SLIT1: variants seen among roughly 807,000 people sequenced by gnomAD.
SLIT1 encodes the protein slit homolog 1 protein.
Under a neutral mutation model 186.1 loss-of-function variants are expected in SLIT1, and 66 were observed. That is an observed-to-expected ratio of 0.35 (90% confidence interval 0.29 to 0.44). The LOEUF (loss-of-function observed/expected upper bound fraction) is 0.44. Ranked by LOEUF, SLIT1 falls within the 20% of genes least tolerant of loss-of-function variation. The probability of loss-of-function intolerance (pLI) is 1.00; values close to 1 mark genes in which losing one functional copy is unlikely to be tolerated. For synonymous variants in SLIT1, 761 were observed against 833.8 expected (o/e 0.91, Z 1.50); for missense variants, 1,638 against 2,037.4 (o/e 0.80, Z 3.77).
intron 4 of SLIT1, chr10:97,154,929 G>A (rs1849929441): frequency 1.3e-5 from 2 of 152,216 alleles, no homozygotes; most frequent in African/African-American, 4.8e-5. Flanking sequence ...AGGAGTCAGA[G>A]GGCTTCATCC....
chr10:97,168,775 A>G (rs1850151517), intron 1 of SLIT1, among the ~76,000 whole-genome samples: 1 of 152,242 alleles, frequency 6.6e-6, no homozygotes, highest in African/African-American at 2.4e-5. Flanking sequence ...TGAATTTTAC[A>G]TATCATTCAT....
chr10:97,119,314 G>C (rs2134685672), intron 4 of SLIT1, among the ~76,000 whole-genome samples: 1 of 152,242 alleles, frequency 6.6e-6, no homozygotes, highest in South Asian at 2.1e-4. Context: ...GTGGGAAGTG[G>C]GTTTATTTCT....
Position 97,037,713 on chromosome 10 carries a change from T to C in SLIT1, c.2351A>G (p.Lys784Arg). Residue 784 changes from lysine to arginine, a missense_variant, in exon 22 of 37, where the codon AAG (lysine) becomes AGG (arginine). Physicochemically the swap from Lys to Arg is conservative, Grantham distance 26. Coordinates refer to ENST00000266058, the MANE Select transcript of SLIT1 (RefSeq NM_003061.3). ...TLVPGQLSTF[K>R]YLQLVDLSNN... is the part of the protein sequence containing the mutation. ...GGATACTTACACGAGCTGCAGGTACTTGAAGGTAGACAGCTGTCCCGGAAC... is the reference window on the plus strand; with the variant it reads ...GGATACTTACACGAGCTGCAGGTACCTGAAGGTAGACAGCTGTCCCGGAAC... 6.2e-7 allele frequency: 1 copy of C among 1,609,550 alleles called. No individual in the cohort carries two copies. Among genetic ancestry groups the C allele is most frequent in the African/African-American group, 1.3e-5 (1 of 74,980 alleles).
In SLIT1 at chr10:97,040,076, C is replaced by T. The variant is rs748988282; in HGVS notation, c.2209G>A (p.Glu737Lys). 5 of 1,604,724 alleles carry T rather than the reference C, an allele frequency of 3.1e-6. No homozygotes were observed. The African/African-American group carries it at 6.7e-5, about 22-fold the overall frequency. The change falls in exon 21 of 37, where the codon GAG becomes AAG. Residue 737 changes from glutamate to lysine, a missense_variant. By Grantham distance (56) the Glu-to-Lys change is moderately conservative (BLOSUM62 1). Transcript: ENST00000266058. ...GCLPRPQCPQ[E>K]CACLDTVVRC... The stretch of plus-strand genomic sequence containing the variant: ...ACCACGGTGTCCAGGCAGGCGCACT[C>T]CTGTGGGCACTGTGGGCGGGGCAGG...
intron 3 of SLIT1, among the ~76,000 whole-genome samples, chr10:97,160,791 G>A (rs1037407784): frequency 6.6e-6 from 1 of 152,204 alleles, no homozygotes; most frequent in African/African-American, 2.4e-5. Flanking sequence ...CATGATCTCG[G>A]CTCACCGCAA....
At chr10:97,167,807 T>A (rs533865997) in intron 1 of SLIT1, among the ~76,000 whole-genome samples, 2 of 152,154 alleles carry the variant, frequency 1.3e-5, no homozygotes, top group Non-Finnish European at 2.9e-5. Context: ...ATAAGTCTCA[T>A]GAGATCTGAT....
chr10:97,152,091 C>G (rs1564688909), intron 4 of SLIT1, among the ~76,000 whole-genome samples: 1 of 152,146 alleles, frequency 6.6e-6, no homozygotes, highest in African/African-American at 2.4e-5. Context: ...CATGTTTGCT[C>G]TCCCTGGCCT....
At chr10:97,109,321 G>A (rs529740953) in intron 4 of SLIT1, among the ~76,000 whole-genome samples, 54 of 152,228 alleles carry the variant, frequency 3.5e-4, no homozygotes, top group Non-Finnish European at 5.7e-4. Context: ...TGTTTTTAGC[G>A]ATAATGATGC....
intron 30 of SLIT1, 47 bp from the exon 31 acceptor site, chr10:97,011,177 T>A: frequency 6.8e-7 from 1 of 1,463,266 alleles, no homozygotes; most frequent in Non-Finnish European, 9.6e-7. Context: ...CCACACAGAG[T>A]CTGGGAGGCC....
At position 97,021,349 on chromosome 10, in the gene SLIT1, T is replaced by C; in HGVS notation, c.2647A>G (p.Thr883Ala). The change falls in exon 26 of 37, where the codon ACT (threonine) becomes GCT (alanine). Residue 883 changes from threonine (T) to alanine (A), a missense_variant. Coordinates refer to ENST00000266058, the MANE Select transcript of SLIT1 (RefSeq NM_003061.3). This position sits in a 1 kb window ranked among gnomAD's most constrained non-coding sequence, Gnocchi z 4.5. ...HLRWLSSWVKTGYKEPGIARC... is the reference protein window; with the variant it reads ...HLRWLSSWVKAGYKEPGIARC... ...GCAATGCCCGGTTCCTTGTAGCCAG[T>C]CTTCACCCAGCTGGACAGCCAGCGG... 1 of 1,614,086 alleles carries C rather than the reference T, an allele frequency of 6.2e-7. No homozygotes were observed.
intron 3 of SLIT1, among the ~76,000 whole-genome samples, chr10:97,162,527 C>A (rs991044966): frequency 6.6e-6 from 1 of 152,170 alleles, no homozygotes; most frequent in South Asian, 2.1e-4. Flanking sequence ...GCGGGGGAAT[C>A]GCTTGAACCC....
chr10:97,150,155 G>A (rs1182193607), intron 4 of SLIT1, among the ~76,000 whole-genome samples: 1 of 152,120 alleles, frequency 6.6e-6, no homozygotes, highest in East Asian at 1.9e-4. Context: ...GGCTGGGGAG[G>A]GGCGGCTGGG....
At chr10:97,084,359 C>A (rs918762565) in intron 4 of SLIT1, among the ~76,000 whole-genome samples, 1 of 152,210 alleles carries the variant, frequency 6.6e-6, no homozygotes, top group Non-Finnish European at 1.5e-5. Context: ...CCCACCTGGG[C>A]TGCAGAGCCA....
chr10:97,104,399 A>G (rs1175418356), intron 4 of SLIT1, among the ~76,000 whole-genome samples: 1 of 152,154 alleles, frequency 6.6e-6, no homozygotes, highest in East Asian at 1.9e-4. Context: ...GGTTCCAAAC[A>G]GAAGAGTGAC....
At position 97,157,601 on chromosome 10, in the gene SLIT1, C is replaced by T. The variant is rs55855950; in HGVS notation, c.413+217G>A. ...GCAGCTCACAAATCTGGATGAACTGCGGGTTCTTCCAAGTGCTTGCCATGG... is the reference window on the plus strand; with the variant it reads ...GCAGCTCACAAATCTGGATGAACTGTGGGTTCTTCCAAGTGCTTGCCATGG... On this transcript the variant is annotated intron_variant, in intron 4 of 36. Coordinates refer to ENST00000266058, the MANE Select transcript of SLIT1 (RefSeq NM_003061.3). The T allele has an allele frequency of 7.9e-3, 4,482 of 563,844 alleles. 40 individuals carry two copies. Among genetic ancestry groups the T allele is most frequent in the Non-Finnish European group, 8.0e-3 (2,544 of 317,374 alleles). The allele number at this position is 563,844 out of a possible 1,614,324, so 34.9% of individuals were successfully genotyped here.
At chr10:97,169,531 C>G (rs189162004) in intron 1 of SLIT1, among the ~76,000 whole-genome samples, 132 of 152,360 alleles carry the variant, frequency 8.7e-4, no homozygotes, top group Non-Finnish European at 2.4e-4. Flanking sequence ...TGCCACGGAG[C>G]CCCCTCCCCC....
In SLIT1 at chr10:97,037,724, C is replaced by T. The variant is rs777785601; in HGVS notation, c.2340G>A (p.Leu780=). The T allele has an allele frequency of 4.7e-5, 76 of 1,609,964 alleles. No individual in the cohort carries two copies. Among genetic ancestry groups the T allele is most frequent in the Non-Finnish European group, 5.9e-5 (70 of 1,176,800 alleles). ...GNQFTLVPGQ[L]STFKYLQLVD... Reference sequence around the variant, plus strand: ...CGAGCTGCAGGTACTTGAAGGTAGACAGCTGTCCCGGAACCAGCGTGAACT... The same window carrying T: ...CGAGCTGCAGGTACTTGAAGGTAGATAGCTGTCCCGGAACCAGCGTGAACT... The change falls in exon 22 of 37, where the codon CTG becomes CTA. Residue 780 remains leucine, a synonymous_variant. Coordinates refer to ENST00000266058, the MANE Select transcript of SLIT1 (RefSeq NM_003061.3).
chr10:97,018,892 G>T, intron 27 of SLIT1, 91 bp downstream of exon 27: 1 of 744,960 alleles, frequency 1.3e-6, no homozygotes. Context: ...TCAAGCATCT[G>T]CTCTGAGTCA....
At chr10:97,107,798 C>T (rs2134676608) in intron 4 of SLIT1, among the ~76,000 whole-genome samples, 1 of 152,164 alleles carries the variant, frequency 6.6e-6, no homozygotes, top group South Asian at 2.1e-4. Context: ...ATGGGGCCAG[C>T]TTCCTGGGGA....
Sources: gnomAD v4.1 joint callset for allele counts (sites outside exome capture counted in the v4.1 genomes callset) on GRCh38, gnomAD v4.1.1 for gene constraint, Gnocchi (gnomAD v3.1) non-coding constraint, MANE v1.5 for transcripts, NCBI Gene and HGNC (gene_info 2026-07-23, HGNC 2026-07-21) for gene names.